NLRP11: variants seen among roughly 807,000 people sequenced by gnomAD.
The protein encoded by NLRP11 is NLR family pyrin domain containing 11, also known as NACHT, LRR and PYD domains-containing protein 11.
A neutral mutation model predicts 79.3 loss-of-function variants in NLRP11; 53 were observed. That is an observed-to-expected ratio of 0.67 (90% confidence interval 0.54 to 0.84). The LOEUF is 0.84. Ranked by LOEUF, NLRP11 falls within the 40% of genes least tolerant of loss-of-function variation. The probability of loss-of-function intolerance (pLI) is 0.00; values close to 1 mark genes in which losing one functional copy is unlikely to be tolerated. For synonymous variants in NLRP11, 518 were observed against 462.6 expected (o/e 1.12, Z -1.54); for missense variants, 1,264 against 1,255.0 (o/e 1.01, Z -0.11).
intron 9 of NLRP11, among the ~76,000 whole-genome samples, chr19:55,786,606 G>C (rs1246361652): frequency 6.6e-6 from 1 of 152,192 alleles, no homozygotes; most frequent in Non-Finnish European, 1.5e-5. Flanking sequence ...AAATCAAAGA[G>C]GAGGATTCAG....
intron 5 of NLRP11, among the ~76,000 whole-genome samples, chr19:55,800,528 G>C (rs1334859261): frequency 1.3e-5 from 2 of 151,908 alleles, no homozygotes; most frequent in African/African-American, 2.4e-5. Context: ...GGCTGGTCTC[G>C]AACTCTTGAA....
chr19:55,814,591 A>AG (rs397777361), intron 2 of NLRP11, among the ~76,000 whole-genome samples: 224 of 151,968 alleles, frequency 1.5e-3, no homozygotes, highest in African/African-American at 5.2e-3. Context: ...TAAAAAAAAA[A>AG]TTACTAATTC....
chr19:55,833,601 C>T (rs1464683985), upstream of NLRP11, among the ~76,000 whole-genome samples: 1 of 151,324 alleles, frequency 6.6e-6, no homozygotes, highest in African/African-American at 2.4e-5. Flanking sequence ...CCCGTCTCTA[C>T]CAAAAATATA....
chr19:55,821,228 CACACACACACACACACACA>C (rs1981681603), intron 1 of NLRP11, among the ~76,000 whole-genome samples: 1 of 105,586 alleles, frequency 9.5e-6, no homozygotes, highest in Non-Finnish European at 1.7e-5. Context: ...CACACACACA[CACACACACACACACACACA>C]CACCCCAAGC....
chr19:55,806,832 T>C (rs1600187595), intron 4 of NLRP11, among the ~76,000 whole-genome samples: 2 of 152,172 alleles, frequency 1.3e-5, no homozygotes, highest in Non-Finnish European at 2.9e-5. Context: ...TGTAGGTCTC[T>C]GAACTCAAAG....
chr19:55,788,460 G>A (rs1300106379), intron 9 of NLRP11, among the ~76,000 whole-genome samples: 4 of 149,090 alleles, frequency 2.7e-5, no homozygotes, highest in African/African-American at 9.9e-5. Context: ...CCCCATCACA[G>A]CCAGGCGCGG....
intron 1 of NLRP11, among the ~76,000 whole-genome samples, chr19:55,819,530 C>G (rs1360819055): frequency 2.6e-5 from 4 of 152,114 alleles, no homozygotes; most frequent in Admixed American, 1.3e-4. Flanking sequence ...ACAGTCAAGG[C>G]TCTCAGAGTT....
chr19:55,824,234 G>A (rs1982088480), intron 1 of NLRP11, among the ~76,000 whole-genome samples: 1 of 145,856 alleles, frequency 6.9e-6, no homozygotes, highest in Non-Finnish European at 1.5e-5. Context: ...GTCACCACCA[G>A]GCCTGCCCTA....
chr19:55,817,841 C>T (rs556950916), intron 2 of NLRP11, 63 bp downstream of exon 2: 841 of 1,289,852 alleles, frequency 6.5e-4, no homozygotes, highest in Non-Finnish European at 8.4e-4. Context: ...AAAAAAAGGC[C>T]CAACACCCAG....
At chr19:55,830,336 C>T (rs920756734) in intron 1 of NLRP11, among the ~76,000 whole-genome samples, 2 of 152,126 alleles carry the variant, frequency 1.3e-5, no homozygotes, top group Admixed American at 6.6e-5. Context: ...CAGGAGTCAA[C>T]TGTATTTCTT....
chr19:55,806,522 C>G (rs1980005863), intron 4 of NLRP11, among the ~76,000 whole-genome samples: 1 of 152,174 alleles, frequency 6.6e-6, no homozygotes, highest in Admixed American at 6.5e-5. Flanking sequence ...CCAACCTCTA[C>G]TATTCACACC....
rs117195519 is a variant in NLRP11, at chr19:55,830,178, C to A, written c.-63+1785G>T. Among the ~76,000 whole-genome samples the A allele has an allele frequency of 5.3e-3, 802 of 152,180 alleles. 6 individuals carry two copies. The highest frequency in any genetic ancestry group is 8.4e-3 in the Non-Finnish European group (571 of 67,992). On this transcript the variant is annotated intron_variant, in intron 1 of 9. Coordinates refer to ENST00000589093, the Ensembl canonical transcript of NLRP11. ...ATCTTGTATCTAGGTGTTTTTCCCC[C>A]CTAAGTGAACACAAGTAGATTAGGG...
intron 1 of NLRP11, among the ~76,000 whole-genome samples, chr19:55,828,167 C>CA (rs1178376053): frequency 6.7e-6 from 1 of 149,986 alleles, no homozygotes; most frequent in East Asian, 2.0e-4. Context: ...ATCACAAGAA[C>CA]AAAAAACCAA....
chr19:55,786,887 T>C (rs955382458), intron 9 of NLRP11, among the ~76,000 whole-genome samples: 4 of 152,226 alleles, frequency 2.6e-5, no homozygotes, highest in African/African-American at 9.6e-5. Context: ...GTAATGTTTA[T>C]GGGTTTTTCT....
chr19:55,793,556 CAAAAAAAAAAAAAAAA>C (rs59605427), intron 6 of NLRP11, among the ~76,000 whole-genome samples: 3 of 35,668 alleles, frequency 8.4e-5, no homozygotes, highest in Admixed American at 5.9e-4. Flanking sequence ...TGACTGTCTC[CAAAAAAAAAAAAAAAA>C]AAAAAAAAAA....
At position 55,809,236 on chromosome 19, in the gene NLRP11, T is replaced by C. The variant is rs776564953; in HGVS notation, c.1374A>G (p.Thr458=). ...GTACTGCCATCAGAAATGCAATGGCTGTACAAAACTCCTGGACGTTCAAGT... is the reference window on the plus strand; with the variant it reads ...GTACTGCCATCAGAAATGCAATGGCCGTACAAAACTCCTGGACGTTCAAGT... The change falls in exon 3 of 10, where the codon ACA becomes ACG. Residue 458 remains threonine (T), a synonymous_variant. Transcript: ENST00000589093. This position sits in a 1 kb window ranked among gnomAD's most constrained non-coding sequence, Gnocchi z 4.5. 6.8e-6 allele frequency: 11 copies of C among 1,613,830 alleles called. No homozygotes were observed. The highest frequency in any genetic ancestry group is 2.2e-5 in the South Asian group (2 of 91,092).
At chr19:55,788,296 C>T (rs1226504290) in intron 9 of NLRP11, among the ~76,000 whole-genome samples, 4 of 151,942 alleles carry the variant, frequency 2.6e-5, no homozygotes, top group Admixed American at 2.6e-4. Context: ...TCATCTTTTA[C>T]TCACCATTGA....
At chr19:55,797,352 A>T (rs1266222552) in intron 5 of NLRP11, among the ~76,000 whole-genome samples, 1 of 152,226 alleles carries the variant, frequency 6.6e-6, no homozygotes, top group East Asian at 1.9e-4. Context: ...TTCCCCAGAT[A>T]GCTGCATGGT....
chr19:55,818,407 G>A (rs985782111), intron 1 of NLRP11, among the ~76,000 whole-genome samples, 171 bp from the exon 2 acceptor site: 6 of 152,142 alleles, frequency 3.9e-5, no homozygotes, highest in African/African-American at 9.7e-5. Context: ...ACTGATCTTG[G>A]CAAATTTCTA....
Sources: gnomAD v4.1 joint callset for allele counts (sites outside exome capture counted in the v4.1 genomes callset) on GRCh38, gnomAD v4.1.1 for gene constraint, Gnocchi (gnomAD v3.1) non-coding constraint, MANE v1.5 for transcripts, NCBI Gene and HGNC (gene_info 2026-07-23, HGNC 2026-07-21) for gene names.